NBAS: variants seen among roughly 807,000 people sequenced by gnomAD.
NBAS encodes NBAS subunit of NRZ tethering complex, also known as NAG/BC035112 fusion.
A neutral mutation model predicts 302.5 loss-of-function variants in NBAS; 219 were observed. The ratio of observed to expected loss-of-function variants is 0.72; its 90% CI spans 0.65 to 0.81. NBAS has a LOEUF of 0.81. Ranked by LOEUF, NBAS falls within the 30% of genes least tolerant of loss-of-function variation. The pLI is 0.00. For synonymous variants in NBAS, 1,118 were observed against 1,021.6 expected (o/e 1.09, Z -1.80); for missense variants, 2,932 against 2,841.6 (o/e 1.03, Z -0.72).
Position 15,374,602 on chromosome 2 carries a change from A to G in NBAS, c.3703+6T>C. 6.2e-7 allele frequency: 1 copy of G among 1,606,766 alleles called. No homozygotes were observed. The highest frequency in any genetic ancestry group is 8.5e-7 in the Non-Finnish European group (1 of 1,173,486). ...GTAACAATGCAACAGTAAGTAGAAA[A>G]CTCACCTTGCAAAGGCAGGATCTTT... On this transcript the variant is annotated splice_donor_region_variant and intron_variant, in intron 31 of 51. Transcript: ENST00000281513.
the NBAS span, among the ~76,000 whole-genome samples, chr2:14,783,789 A>C: frequency 6.6e-6 from 1 of 152,106 alleles, no homozygotes. Context: ...ATATGTGTGC[A>C]TATGTCTTTA....
the NBAS span, among the ~76,000 whole-genome samples, chr2:15,154,781 G>T: frequency 0.076 from 11,565 of 152,028 alleles, 554 homozygotes; most frequent in South Asian, 0.22. Context: ...ATGTGAGAGT[G>T]GGGGGTTCAA....
intron 12 of NBAS, among the ~76,000 whole-genome samples, chr2:15,482,273 G>C (rs966260141): frequency 2.6e-5 from 4 of 151,920 alleles, no homozygotes; most frequent in African/African-American, 9.7e-5. Flanking sequence ...TGGGAATATG[G>C]GCACACGCCA....
chr2:14,910,430 A>C, the NBAS span, among the ~76,000 whole-genome samples: 8 of 152,210 alleles, frequency 5.3e-5, no homozygotes, highest in South Asian at 1.2e-3. Flanking sequence ...ACACAAGTCT[A>C]TCCTACTGTG....
At chr2:15,181,487 G>A (rs1322500450) in intron 50 of NBAS, among the ~76,000 whole-genome samples, 5 of 152,190 alleles carry the variant, frequency 3.3e-5, no homozygotes, top group Admixed American at 3.3e-4. Context: ...TGTGTTGCAA[G>A]AGAACGTTTA....
chr2:14,912,536 A>G, the NBAS span, among the ~76,000 whole-genome samples: 1 of 152,152 alleles, frequency 6.6e-6, no homozygotes, highest in Non-Finnish European at 1.5e-5. Context: ...CCAGGGACTG[A>G]GAAGGGAAAA....
chr2:15,060,799 G>A, the NBAS span, among the ~76,000 whole-genome samples: 1 of 152,196 alleles, frequency 6.6e-6, no homozygotes, highest in Non-Finnish European at 1.5e-5. Context: ...AGGTTGCTGG[G>A]AGGATTAAAT....
rs1664717303 is a variant in NBAS, at chr2:15,179,432, T to A, written c.6712-316A>T. On this transcript the variant is annotated intron_variant, in intron 50 of 51. Coordinates refer to ENST00000281513, the MANE Select transcript of NBAS (RefSeq NM_015909.4). ...AACTCTCACAGCCCTAATTTCCTCA[T>A]AAGTAAAATGTATGTATTTATAGCT... The A allele has an allele frequency of 6.9e-5, 22 of 318,594 alleles. No homozygotes were observed. The South Asian group carries it at 7.9e-4, about 11-fold the overall frequency. The allele number at this position is 318,594 out of a possible 1,614,324, so 19.7% of individuals were successfully genotyped here. A position where few individuals can be genotyped will look rare whatever the true frequency, so the allele number is the denominator to read the frequency against.
chr2:14,998,246 T>TA, the NBAS span, among the ~76,000 whole-genome samples: 7 of 151,958 alleles, frequency 4.6e-5, no homozygotes, highest in Admixed American at 2.6e-4. Context: ...TTTCAAAACA[T>TA]AAAAAAAAGA....
chr2:15,406,116 C>CAAGAAAAAAAAAAAAAAA (rs1676400663), intron 25 of NBAS, among the ~76,000 whole-genome samples: 8 of 134,518 alleles, frequency 5.9e-5, no homozygotes, highest in South Asian at 2.3e-4. Context: ...AAAAAAAAAA[C>CAAGAAAAAAAAAAAAAAA]AAAACAAAAA....
chr2:15,022,837 G>T, the NBAS span, among the ~76,000 whole-genome samples: 1 of 151,576 alleles, frequency 6.6e-6, no homozygotes, highest in South Asian at 2.1e-4. Flanking sequence ...TAATACTTTT[G>T]GAATGTTTGA....
chr2:15,542,239 A>G (rs1273892053), intron 6 of NBAS, among the ~76,000 whole-genome samples: 1 of 88,288 alleles, frequency 1.1e-5, no homozygotes, highest in Non-Finnish European at 2.6e-5. Flanking sequence ...GTGTCTGTGT[A>G]GAAAGAAGTA....
chr2:15,362,177 T>A (rs1673962371), intron 32 of NBAS, among the ~76,000 whole-genome samples: 2 of 151,448 alleles, frequency 1.3e-5, no homozygotes, highest in Non-Finnish European at 2.9e-5. Context: ...TGGCCCAATC[T>A]ATTCTGAGAA....
At position 15,229,347 on chromosome 2, in the gene NBAS, C is replaced by CAAAAAAA. The variant is rs61152926; in HGVS notation, c.6236+3068_6236+3074dup. ...CACTGCAAGACTCTGTCTCAAAAAA[C>CAAAAAAA]AAAAAAAAAAAAAAAAAAAAAAAAA... is the stretch of plus-strand genomic sequence containing the variant. On this transcript the variant is annotated intron_variant, in intron 47 of 51. Transcript: ENST00000281513. Among the ~76,000 whole-genome samples the CAAAAAAA allele has an allele frequency of 2.8e-3, 214 of 76,910 alleles. 3 individuals carry two copies. Among genetic ancestry groups the CAAAAAAA allele is most frequent in the Non-Finnish European group, 3.7e-3 (137 of 37,176 alleles). 50.5% of individuals were successfully genotyped at this position (76,910 alleles called of 152,430 possible). A position where few individuals can be genotyped will look rare whatever the true frequency, so the allele number is the denominator to read the frequency against.
the NBAS span, among the ~76,000 whole-genome samples, chr2:15,110,568 G>A: frequency 6.6e-6 from 1 of 152,146 alleles, no homozygotes; most frequent in Non-Finnish European, 1.5e-5. Flanking sequence ...AGGCTGAAAA[G>A]AGGCATTATG....
intron 48 of NBAS, among the ~76,000 whole-genome samples, chr2:15,213,586 T>C (rs1277845110): frequency 1.3e-5 from 2 of 152,174 alleles, no homozygotes; most frequent in African/African-American, 2.4e-5. Flanking sequence ...AGGCCAAGAA[T>C]ATAGGTTTTA....
the NBAS span, among the ~76,000 whole-genome samples, chr2:15,010,775 G>T: frequency 1.3e-5 from 2 of 152,240 alleles, no homozygotes; most frequent in East Asian, 1.9e-4. Flanking sequence ...ACAAAATGTG[G>T]CTCCAGAAAA....
chr2:14,915,835 C>T, the NBAS span, among the ~76,000 whole-genome samples: 1 of 152,176 alleles, frequency 6.6e-6, no homozygotes, highest in Non-Finnish European at 1.5e-5. Flanking sequence ...GTTGGGATTA[C>T]AGGCATGAGC....
chr2:15,368,617 T>C (rs1349445207), intron 31 of NBAS, among the ~76,000 whole-genome samples: 4 of 152,196 alleles, frequency 2.6e-5, no homozygotes, highest in Non-Finnish European at 5.9e-5. Context: ...AAAATCACCA[T>C]TGCTAATACC....
Sources: allele counts gnomAD v4.1 joint callset (sites outside exome capture counted in the v4.1 genomes callset), GRCh38; gene constraint gnomAD v4.1.1; transcripts MANE v1.5; gene names NCBI Gene and HGNC (gene_info 2026-07-23, HGNC 2026-07-21).